Variants in RPRD2 observed in about 807,000 individuals in gnomAD.
RPRD2 encodes the protein regulation of nuclear pre-mRNA domain containing 2.
Under a neutral mutation model 104.4 loss-of-function variants are expected in RPRD2, and 12 were observed. The observed-to-expected ratio is 0.11, with a 90% CI of 0.07 to 0.19. The LOEUF (loss-of-function observed/expected upper bound fraction) is 0.19. Among genes scored for constraint, RPRD2 ranks in the 10% least tolerant of loss-of-function variants. The pLI is 1.00. For missense variants in RPRD2, 1,543 were observed against 1,790.1 expected (o/e 0.86, Z 2.49); for synonymous variants, 714 against 684.9 (o/e 1.04, Z -0.66).
At chr1:150,400,613 C>T (rs587698311) in intron 1 of RPRD2, among the ~76,000 whole-genome samples, 1 of 152,292 alleles carries the variant, frequency 6.6e-6, no homozygotes, top group East Asian at 1.9e-4. Flanking sequence ...CGCTCACCCA[C>T]CACTCACCTC....
At chr1:150,417,864 C>G in intron 2 of RPRD2, 139 bp downstream of exon 2, 1 of 495,026 alleles carries the variant, frequency 2.0e-6, no homozygotes, top group Non-Finnish European at 3.3e-6. Context: ...TTATTACTTT[C>G]TTGTTAACAC....
intron 2 of RPRD2, among the ~76,000 whole-genome samples, chr1:150,434,353 A>T (rs1553892676): frequency 6.6e-6 from 1 of 151,964 alleles, no homozygotes; most frequent in African/African-American, 2.4e-5. Flanking sequence ...AAGACTGTCT[A>T]TGTATATATA....
intron 7 of RPRD2, among the ~76,000 whole-genome samples, chr1:150,452,446 A>G (rs1667249265): frequency 6.6e-6 from 1 of 152,136 alleles, no homozygotes; most frequent in Non-Finnish European, 1.5e-5. Flanking sequence ...AAACTAATAT[A>G]CCAATTAATG....
At position 150,419,762 on chromosome 1, in the gene RPRD2, C is replaced by T. The variant is rs1572436231; in HGVS notation, c.335+2037C>T. ...CTCCTGCCTCAGCCTCCCGAGTAGC[C>T]AGGATTACAGGCATGCGCCACCACG... On this transcript the variant is annotated intron_variant, in intron 2 of 10. Coordinates refer to ENST00000369068, the MANE Select transcript of RPRD2 (RefSeq NM_015203.5). Among the ~76,000 whole-genome samples the T allele has an allele frequency of 2.0e-5, 3 of 152,134 alleles. No individual in the cohort carries two copies. In the South Asian group the frequency reaches 6.2e-4, roughly 32 times the overall value.
At chr1:150,446,067 CA>C (rs5777728) in intron 6 of RPRD2, among the ~76,000 whole-genome samples, 158 bp from the exon 7 acceptor site, 249 of 93,310 alleles carry the variant, frequency 2.7e-3, no homozygotes, top group African/African-American at 3.8e-3. Context: ...GACTCCGTCT[CA>C]AAAAAAAAAA....
intron 1 of RPRD2, among the ~76,000 whole-genome samples, chr1:150,387,665 C>CA (rs1420215101): frequency 9.5e-5 from 12 of 126,824 alleles, no homozygotes; most frequent in Non-Finnish European, 1.7e-4. Context: ...GATCTTGGCT[C>CA]ACTGCAACCT....
intron 2 of RPRD2, among the ~76,000 whole-genome samples, chr1:150,436,946 C>T (rs1444951257): frequency 3.9e-5 from 6 of 152,124 alleles, no homozygotes; most frequent in African/African-American, 1.4e-4. Flanking sequence ...TGGCACACGC[C>T]TGTTATCCCA....
intron 2 of RPRD2, among the ~76,000 whole-genome samples, chr1:150,422,460 G>A (rs1664837841): frequency 6.6e-6 from 1 of 151,546 alleles, no homozygotes; most frequent in Non-Finnish European, 1.5e-5. Context: ...AGGCTATTTT[G>A]ATTCCTTTAA....
intron 4 of RPRD2, 124 bp downstream of exon 4, chr1:150,442,082 G>A: frequency 3.1e-6 from 2 of 637,782 alleles, no homozygotes; most frequent in Non-Finnish European, 2.7e-6. Flanking sequence ...GGTCTGGGAG[G>A]CTCCCAGTGA....
intron 1 of RPRD2, among the ~76,000 whole-genome samples, chr1:150,409,647 C>CT (rs10684353): frequency 0.11 from 12,707 of 114,572 alleles, 1,157 homozygotes; most frequent in African/African-American, 0.13. Context: ...TGTTGCAATT[C>CT]TTTTTTTTTT....
chr1:150,457,620 T>C, intron 8 of RPRD2, 50 bp downstream of exon 8: 3 of 1,505,260 alleles, frequency 2.0e-6, no homozygotes, highest in Non-Finnish European at 2.8e-6. Flanking sequence ...CTGTTTTGCC[T>C]TCTCAGCAAT....
intron 2 of RPRD2, among the ~76,000 whole-genome samples, chr1:150,439,571 T>G (rs1196215828): frequency 6.6e-6 from 1 of 151,696 alleles, no homozygotes; most frequent in Non-Finnish European, 1.5e-5. Context: ...TGTGAACACA[T>G]GATGTTATGG....
intron 1 of RPRD2, among the ~76,000 whole-genome samples, chr1:150,384,111 C>T (rs1296643163): frequency 6.6e-6 from 1 of 152,082 alleles, no homozygotes; most frequent in African/African-American, 2.4e-5. Flanking sequence ...GTAGGATATT[C>T]AGCATTTTCC....
intron 1 of RPRD2, among the ~76,000 whole-genome samples, chr1:150,380,218 A>G (rs587596773): frequency 3.9e-5 from 6 of 152,326 alleles, no homozygotes; most frequent in Non-Finnish European, 7.3e-5. Flanking sequence ...ACATTTTCTC[A>G]GAATAAAGGA....
At chr1:150,448,326 G>A (rs1427818413) in intron 7 of RPRD2, among the ~76,000 whole-genome samples, 1 of 151,964 alleles carries the variant, frequency 6.6e-6, no homozygotes, top group Non-Finnish European at 1.5e-5. Context: ...ATGCCATCAT[G>A]CCTGGCTAAT....
At chr1:150,460,450 C>A in intron 9 of RPRD2, 133 bp downstream of exon 9, 2 of 919,954 alleles carry the variant, frequency 2.2e-6, no homozygotes, top group Non-Finnish European at 3.2e-6. Context: ...GTCTCCCAGG[C>A]AGGAGTGCAG....
chr1:150,441,502 C>A, intron 3 of RPRD2: 1 of 202,090 alleles, frequency 4.9e-6, no homozygotes, highest in East Asian at 1.4e-4. Context: ...GTATTATATG[C>A]ATGTAATTAA....
intron 1 of RPRD2, among the ~76,000 whole-genome samples, chr1:150,411,985 T>C (rs1433657238): frequency 6.6e-6 from 1 of 151,510 alleles, no homozygotes; most frequent in Admixed American, 6.6e-5. Context: ...TAGCCGGGCA[T>C]GGTGGCAAGC....
At chr1:150,387,813 C>T (rs1486102314) in intron 1 of RPRD2, among the ~76,000 whole-genome samples, 1 of 151,000 alleles carries the variant, frequency 6.6e-6, no homozygotes, top group African/African-American at 2.4e-5. Context: ...TGGTCTTGAA[C>T]TCCTGACCTC....
Sources: allele counts gnomAD v4.1 joint callset (sites outside exome capture counted in the v4.1 genomes callset), GRCh38; gene constraint gnomAD v4.1.1; transcripts MANE v1.5; gene names NCBI Gene and HGNC (gene_info 2026-07-23, HGNC 2026-07-21).